STK32C: variants seen among roughly 807,000 people sequenced by gnomAD.
STK32C encodes the protein serine/threonine-protein kinase 32C.
In STK32C, 31 loss-of-function variants were observed where a neutral mutation model predicts 56.5. The observed-to-expected ratio is 0.55, with a 90% CI of 0.41 to 0.74. The LOEUF (loss-of-function observed/expected upper bound fraction) is 0.74, where lower values mean the gene tolerates loss of function less well. STK32C is among the 30% of genes least tolerant of loss of function. The pLI is 0.00. For missense variants in STK32C, 544 were observed against 676.9 expected (o/e 0.80, Z 2.18); for synonymous variants, 309 against 289.4 (o/e 1.07, Z -0.69).
At chr10:132,277,891 C>A (rs903951425) in intron 1 of STK32C, among the ~76,000 whole-genome samples, 12 of 152,324 alleles carry the variant, frequency 7.9e-5, no homozygotes, top group African/African-American at 2.6e-4. Flanking sequence ...GCAGGGCCAG[C>A]CTGCACTCTG....
chr10:132,211,556 A>G (rs1054052459), intron 10 of STK32C, among the ~76,000 whole-genome samples: 6 of 152,188 alleles, frequency 3.9e-5, no homozygotes, highest in Admixed American at 3.3e-4. Flanking sequence ...ACCCCTTTCC[A>G]CAGGGACTCC....
intron 2 of STK32C, among the ~76,000 whole-genome samples, chr10:132,245,414 G>C (rs1451220532): frequency 1.3e-5 from 2 of 152,206 alleles, no homozygotes; most frequent in Non-Finnish European, 2.9e-5. Context: ...ATCTGGTCAA[G>C]AGAAAACAAA....
At chr10:132,316,332 G>A (rs2066309212) in intron 1 of STK32C, among the ~76,000 whole-genome samples, 1 of 152,138 alleles carries the variant, frequency 6.6e-6, no homozygotes, top group South Asian at 2.1e-4. Context: ...AAAAAATAAG[G>A]CCAGGCACGG....
At chr10:132,249,052 G>A (rs540399617) in intron 1 of STK32C, 33 of 476,150 alleles carry the variant, frequency 6.9e-5, no homozygotes, top group Non-Finnish European at 1.1e-4. Context: ...CCGACTGTGC[G>A]ACGGAGGCGG....
chr10:132,237,573 G>A (rs2063337729), intron 2 of STK32C, among the ~76,000 whole-genome samples: 1 of 152,246 alleles, frequency 6.6e-6, no homozygotes, highest in African/African-American at 2.4e-5. Context: ...CCCACGCAGG[G>A]TTTCTTTGCT....
chr10:132,331,848 AT>A, upstream of STK32C: 1 of 1,470,190 alleles, frequency 6.8e-7, no homozygotes, highest in Non-Finnish European at 9.2e-7. Flanking sequence ...GGAAAAACGG[AT>A]GCTACCGTTG....
At chr10:132,285,455 T>A (rs1042560243) in intron 1 of STK32C, among the ~76,000 whole-genome samples, 1 of 152,222 alleles carries the variant, frequency 6.6e-6, no homozygotes, top group Non-Finnish European at 1.5e-5. Flanking sequence ...CACTATATAT[T>A]TGTAAAAGAT....
chr10:132,240,081 A>G (rs2137864899), intron 2 of STK32C, among the ~76,000 whole-genome samples: 1 of 150,310 alleles, frequency 6.7e-6, no homozygotes, highest in South Asian at 2.1e-4. Flanking sequence ...GCCCCCCCCA[A>G]AGAAGACCCC....
At chr10:132,308,947 C>A (rs920405874), upstream of STK32C, among the ~76,000 whole-genome samples, 1 of 152,194 alleles carries the variant, frequency 6.6e-6, no homozygotes, top group Admixed American at 6.5e-5. Flanking sequence ...GTTTTTGCTA[C>A]CGGGCTGTTT....
intron 1 of STK32C, among the ~76,000 whole-genome samples, chr10:132,263,865 CAAAAAA>C (rs71472732): frequency 2.9e-4 from 22 of 75,926 alleles, no homozygotes; most frequent in African/African-American, 1.1e-3. Context: ...GACTCCATCT[CAAAAAA>C]AAAAAAAAAA....
At chr10:132,280,538 T>A (rs1473672734) in intron 1 of STK32C, among the ~76,000 whole-genome samples, 2 of 131,674 alleles carry the variant, frequency 1.5e-5, no homozygotes, top group Non-Finnish European at 3.2e-5. Flanking sequence ...CGCTGAGGCC[T>A]CCACACCGTG....
rs899304864 is a variant in STK32C at position 132,234,684 on chromosome 10, C to T, written c.319-6556G>A. Among the ~76,000 whole-genome samples the T allele has an allele frequency of 4.6e-5, 7 of 152,190 alleles. No individual in the cohort carries two copies. In the East Asian group the frequency reaches 1.2e-3, roughly 25 times the overall value. Reference sequence around the variant, plus strand: ...TGCCGGGGCAGGTGTGGCTGCCATCCGTTCCTGTCAGTCAGGGACCACCTC... The same window carrying T: ...TGCCGGGGCAGGTGTGGCTGCCATCTGTTCCTGTCAGTCAGGGACCACCTC... On this transcript the variant is annotated intron_variant, in intron 2 of 11. Coordinates refer to ENST00000298630, the MANE Select transcript of STK32C (RefSeq NM_173575.4).
chr10:132,277,506 C>A (rs1359347067), intron 1 of STK32C, among the ~76,000 whole-genome samples: 1 of 152,260 alleles, frequency 6.6e-6, no homozygotes, highest in Non-Finnish European at 1.5e-5. Context: ...TCTGTGCCCA[C>A]CGCCTTGCTG....
intron 1 of STK32C, among the ~76,000 whole-genome samples, chr10:132,281,579 T>A (rs977944905): frequency 5.3e-5 from 8 of 152,180 alleles, no homozygotes; most frequent in African/African-American, 1.9e-4. Context: ...CCAAAGAGTA[T>A]GTTCATGAAG....
chr10:132,271,627 T>C (rs2064828826), intron 1 of STK32C, among the ~76,000 whole-genome samples: 1 of 152,182 alleles, frequency 6.6e-6, no homozygotes, highest in South Asian at 2.1e-4. Flanking sequence ...GGAGAGCTGG[T>C]AAGACCTGCA....
At chr10:132,229,524 C>T (rs2063020413) in intron 2 of STK32C, among the ~76,000 whole-genome samples, 1 of 152,222 alleles carries the variant, frequency 6.6e-6, no homozygotes, top group African/African-American at 2.4e-5. Context: ...TGATTAACAA[C>T]CTTAATTCAA....
At chr10:132,269,982 A>G (rs1453397114) in intron 1 of STK32C, among the ~76,000 whole-genome samples, 1 of 152,166 alleles carries the variant, frequency 6.6e-6, no homozygotes, top group Admixed American at 6.5e-5. Context: ...CCCTCCCCTG[A>G]CTGCTTTCAT....
intron 2 of STK32C, among the ~76,000 whole-genome samples, chr10:132,231,823 G>A (rs35034720): frequency 0.024 from 3,620 of 152,338 alleles, 48 homozygotes; most frequent in Admixed American, 0.044. Context: ...TGACATGGCG[G>A]CAAGCTGAGG....
At position 132,232,581 on chromosome 10, in the gene STK32C, G is replaced by A. The variant is rs1311957099; in HGVS notation, c.319-4453C>T. 2.0e-5 allele frequency among the ~76,000 whole-genome samples: 3 copies of A among 152,162 alleles called. No individual in the cohort carries two copies. The East Asian group carries it at 5.8e-4, about 29-fold the overall frequency. ...CTCAAACGCTTCCTCCAGGAAACTG[G>A]TCCCTGCTTTCCCAGCCGCTTCCTC... On this transcript the variant is annotated intron_variant, in intron 2 of 11. Coordinates refer to ENST00000298630, the MANE Select transcript of STK32C (RefSeq NM_173575.4).
Sources: allele counts gnomAD v4.1 joint callset (sites outside exome capture counted in the v4.1 genomes callset), GRCh38; gene constraint gnomAD v4.1.1; transcripts MANE v1.5; gene names NCBI Gene and HGNC (gene_info 2026-07-23, HGNC 2026-07-21).